The following BCL2L13 variants were observed in gnomAD, a reference collection of about 807,000 sequenced individuals.
BCL2L13 encodes BCL2 like 13.
BCL2L13 carries 13 observed loss-of-function variants against 25.8 expected under a neutral mutation model. That is an observed-to-expected ratio of 0.50 (90% CI 0.33 to 0.80). The LOEUF is 0.80. BCL2L13 is among the 30% of genes least tolerant of loss of function. The pLI is 0.02. For synonymous variants in BCL2L13, 244 were observed against 230.3 expected (o/e 1.06, Z -0.54); for missense variants, 504 against 574.9 (o/e 0.88, Z 1.26).
intron 2 of BCL2L13, among the ~76,000 whole-genome samples, chr22:17,669,878 C>T (rs1484877898): frequency 6.6e-6 from 1 of 152,172 alleles, no homozygotes; most frequent in African/African-American, 2.4e-5. Flanking sequence ...CAACCTTGGA[C>T]TTCTCAGCCT....
At chr22:17,666,524 C>G (rs1283334195) in intron 2 of BCL2L13, among the ~76,000 whole-genome samples, 1 of 151,996 alleles carries the variant, frequency 6.6e-6, no homozygotes, top group Non-Finnish European at 1.5e-5. Flanking sequence ...TGGTAACCAT[C>G]CTTATATTCT....
chr22:17,688,807 G>A (rs1416503822), intron 3 of BCL2L13, among the ~76,000 whole-genome samples, 179 bp from the exon 4 acceptor site: 2 of 123,828 alleles, frequency 1.6e-5, no homozygotes, highest in African/African-American at 5.9e-5. Flanking sequence ...CCCTCTTGTT[G>A]CCCAGGCTGG....
intron 2 of BCL2L13, among the ~76,000 whole-genome samples, chr22:17,660,096 T>A (rs2059018190): frequency 6.9e-6 from 1 of 145,950 alleles, no homozygotes; most frequent in Non-Finnish European, 1.6e-5. Context: ...TCTCAGGTGA[T>A]CCACCCCACC....
intron 1 of BCL2L13, among the ~76,000 whole-genome samples, chr22:17,647,784 T>C (rs935572528): frequency 2.0e-5 from 3 of 152,192 alleles, no homozygotes; most frequent in Non-Finnish European, 4.4e-5. Context: ...AGAAAAATGC[T>C]TTAGAAACAG....
intron 5 of BCL2L13, among the ~76,000 whole-genome samples, chr22:17,701,178 A>G (rs1246464653): frequency 6.6e-6 from 1 of 152,116 alleles, no homozygotes; most frequent in Admixed American, 6.6e-5. Context: ...CCACATGGTT[A>G]TTAGGTATAG....
intron 4 of BCL2L13, among the ~76,000 whole-genome samples, chr22:17,689,499 G>A (rs1473868678): frequency 6.6e-6 from 1 of 152,084 alleles, no homozygotes; most frequent in Non-Finnish European, 1.5e-5. Context: ...CTAGCGTTTT[G>A]TGCGTTGTAA....
chr22:17,639,708 TTTG>T (rs1005766288), intron 1 of BCL2L13, among the ~76,000 whole-genome samples: 20 of 152,332 alleles, frequency 1.3e-4, no homozygotes, highest in African/African-American at 4.6e-4. Flanking sequence ...CTTTTATTTT[TTTG>T]TTGTTGTTGC....
rs2060952966 is a variant in BCL2L13, at chr22:17,716,637, ATTAATGTGCTC to A, written c.601-10039_601-10029del. ...TTTATGTTTGGTTTCCTAGGAAAACATTAATGTGCTCAAGAAGGGATAATGTATCATTCTAA... is the reference window on the plus strand; with the variant it reads ...TTTATGTTTGGTTTCCTAGGAAAACAAAGAAGGGATAATGTATCATTCTAA... On this transcript the variant is annotated intron_variant, in intron 6 of 6. Transcript: ENST00000317582. 2.6e-5 allele frequency among the ~76,000 whole-genome samples: 4 copies of A among 152,362 alleles called. No homozygotes were observed. The South Asian group carries it at 8.3e-4, about 32-fold the overall frequency.
chr22:17,645,260 C>G (rs1463844871), intron 1 of BCL2L13, among the ~76,000 whole-genome samples: 1 of 130,932 alleles, frequency 7.6e-6, no homozygotes, highest in Non-Finnish European at 1.6e-5. Flanking sequence ...GGCAGAGTCT[C>G]ACTCTGTCAC....
intron 1 of BCL2L13, among the ~76,000 whole-genome samples, chr22:17,645,337 T>A (rs979507757): frequency 2.7e-5 from 4 of 147,012 alleles, no homozygotes; most frequent in African/African-American, 1.0e-4. Context: ...TTCTCATGCC[T>A]CAGCCTCCTG....
At chr22:17,701,855 C>T (rs2060445045) in intron 5 of BCL2L13, among the ~76,000 whole-genome samples, 1 of 141,080 alleles carries the variant, frequency 7.1e-6, no homozygotes, top group Admixed American at 7.7e-5. Context: ...ACCTGGGAGG[C>T]GGAGGCTGCA....
upstream of BCL2L13, among the ~76,000 whole-genome samples, chr22:17,636,570 C>A (rs1170299292): frequency 1.3e-5 from 2 of 151,356 alleles, no homozygotes; most frequent in Admixed American, 1.3e-4. Context: ...GGGGTGATCA[C>A]CCAAGGCCAA....
At chr22:17,637,006 C>T (rs1304834644), upstream of BCL2L13, among the ~76,000 whole-genome samples, 4 of 152,000 alleles carry the variant, frequency 2.6e-5, no homozygotes, top group South Asian at 8.3e-4. Flanking sequence ...GGCGCGGTGG[C>T]GCACCCCTGT....
chr22:17,631,662 GTGTGTGTGTATA>G (rs1192622820), intron 1 of BCL2L13, among the ~76,000 whole-genome samples: 517 of 32,114 alleles, frequency 0.016, 36 homozygotes, highest in South Asian at 0.05. Context: ...GTATGTATGT[GTGTGTGTGTATA>G]TATATATATA....
chr22:17,663,468 T>C lies in BCL2L13; in HGVS notation c.121+7636T>C, dbSNP rs190982710. On this transcript the variant is annotated intron_variant, in intron 2 of 6. Coordinates refer to ENST00000317582, the MANE Select transcript of BCL2L13 (RefSeq NM_015367.4). The stretch of plus-strand genomic sequence containing the variant: ...ATAAAACATCATGCGATACCAAATA[T>C]TTATAATCTCATCAAACTCCCAGAG... Among the ~76,000 whole-genome samples, 293 of 152,270 alleles carry C rather than the reference T, an allele frequency of 1.9e-3. 3 individuals carry two copies. Among genetic ancestry groups the C allele is most frequent in the African/African-American group, 6.7e-3 (277 of 41,570 alleles).
intron 6 of BCL2L13, chr22:17,703,606 A>G (rs2060505274): frequency 6.6e-6 from 1 of 152,202 alleles, no homozygotes; most frequent in Admixed American, 6.5e-5. Flanking sequence ...GCCACTATGC[A>G]TCTGAGGGTT....
intron 6 of BCL2L13, among the ~76,000 whole-genome samples, chr22:17,715,064 C>A (rs2060874417): frequency 7.0e-6 from 1 of 141,952 alleles, no homozygotes; most frequent in African/African-American, 2.6e-5. Context: ...GTGGAAAAGA[C>A]CCCAGGTCCA....
intron 2 of BCL2L13, among the ~76,000 whole-genome samples, chr22:17,663,929 A>C (rs1212327025): frequency 6.6e-6 from 1 of 151,540 alleles, no homozygotes; most frequent in East Asian, 1.9e-4. Flanking sequence ...GCTCACTGCA[A>C]CCTCCGCCTC....
intron 1 of BCL2L13, among the ~76,000 whole-genome samples, chr22:17,652,446 T>C (rs907641582): frequency 6.6e-6 from 1 of 152,158 alleles, no homozygotes; most frequent in African/African-American, 2.4e-5. Context: ...TTATCAAATT[T>C]CTTTTTTTTG....
Sources: gnomAD v4.1 joint callset for allele counts (sites outside exome capture counted in the v4.1 genomes callset) on GRCh38, gnomAD v4.1.1 for gene constraint, MANE v1.5 for transcripts, NCBI Gene and HGNC (gene_info 2026-07-23, HGNC 2026-07-21) for gene names.